Variants in CARS2 observed in about 807,000 individuals in gnomAD.
The protein encoded by CARS2 is probable cysteine--tRNA ligase, mitochondrial.
A neutral mutation model predicts 68.8 loss-of-function variants in CARS2; 52 were observed. The observed-to-expected ratio is 0.76, with a 90% confidence interval of 0.61 to 0.95. The LOEUF (loss-of-function observed/expected upper bound fraction) is 0.95, where lower values mean the gene tolerates loss of function less well. Among genes scored for constraint, CARS2 ranks in the 40% least tolerant of loss-of-function variants. CARS2 has a pLI of 0.00. For synonymous variants in CARS2, 314 were observed against 303.6 expected, an observed-to-expected ratio of 1.03 and a Z score of -0.36; for missense variants, 780 against 754.2, an observed-to-expected ratio of 1.03 and a Z score of -0.40.
chr13:110,685,887 T>C (rs933918945), intron 5 of CARS2, among the ~76,000 whole-genome samples: 3 of 145,836 alleles, frequency 2.1e-5, no homozygotes, highest in African/African-American at 7.7e-5. Flanking sequence ...CGCAAACCAA[T>C]GAAACCACCT....
chr13:110,680,798 G>C (rs915763388), intron 6 of CARS2, among the ~76,000 whole-genome samples: 4 of 152,214 alleles, frequency 2.6e-5, no homozygotes, highest in African/African-American at 7.2e-5. Flanking sequence ...CACAAATATA[G>C]AACAGCTAAG....
rs983993322 is a variant in CARS2, at chr13:110,670,067, G to C, written c.786-2594C>G. Among the ~76,000 whole-genome samples, 5 of 152,190 alleles carry C rather than the reference G, an allele frequency of 3.3e-5. No homozygotes were observed. Among genetic ancestry groups the C allele is most frequent in the African/African-American group, 1.2e-4 (5 of 41,440 alleles). On this transcript the variant is annotated intron_variant, in intron 7 of 14. Coordinates refer to ENST00000257347, the MANE Select transcript of CARS2 (RefSeq NM_024537.4). This position sits in a 1 kb window ranked among gnomAD's most constrained non-coding sequence, Gnocchi z 4.1. ...GGTAAACAAAGTGTCCAGGAAGCTC[G>C]AACTGGGTGGAGCCCACTACAGCTC...
At chr13:110,687,678 C>G in intron 5 of CARS2, 43 bp downstream of exon 5, 2 of 785,042 alleles carry the variant, frequency 2.5e-6, no homozygotes, top group Non-Finnish European at 3.5e-6. Flanking sequence ...AACTCTGTCT[C>G]AAAAAAAAAA....
intron 12 of CARS2, chr13:110,645,724 C>T (rs1000740114): frequency 1.5e-5 from 7 of 455,840 alleles, no homozygotes; most frequent in Middle Eastern, 5.5e-4. Context: ...CAGAATTTCT[C>T]AGCCTCAGGG....
chr13:110,709,295 T>C (rs1445994648), upstream of CARS2, among the ~76,000 whole-genome samples: 1 of 151,922 alleles, frequency 6.6e-6, no homozygotes, highest in Non-Finnish European at 1.5e-5. Flanking sequence ...GGTTTCTCCA[T>C]GTTAGTCAGG....
chr13:110,664,936 G>T, intron 8 of CARS2: 1 of 874,026 alleles, frequency 1.1e-6, no homozygotes, highest in Non-Finnish European at 1.4e-6. Flanking sequence ...GGAATTCATT[G>T]CTGTTGTTCA....
At chr13:110,675,715 A>G (rs1426715217) in intron 7 of CARS2, among the ~76,000 whole-genome samples, 1 of 152,192 alleles carries the variant, frequency 6.6e-6, no homozygotes, top group East Asian at 1.9e-4. Flanking sequence ...ATGAAAAAAA[A>G]AACCCATTTC....
intron 10 of CARS2, chr13:110,650,812 G>A (rs1438160026): frequency 8.0e-6 from 4 of 500,794 alleles, no homozygotes; most frequent in South Asian, 5.5e-5. Context: ...GAGAGGACTC[G>A]AGCTTGACGA....
At chr13:110,696,989 T>A (rs1444619153) in intron 3 of CARS2, among the ~76,000 whole-genome samples, 1 of 152,140 alleles carries the variant, frequency 6.6e-6, no homozygotes, top group Non-Finnish European at 1.5e-5. Flanking sequence ...CGGGGCCCTT[T>A]CTCTGTCCCA....
intron 1 of CARS2, chr13:110,712,805 A>T (rs997696102): frequency 1.3e-6 from 1 of 783,370 alleles, no homozygotes; most frequent in Non-Finnish European, 2.2e-6. Context: ...CCTCGGGCCT[A>T]TCCACCTCTT....
At chr13:110,712,929 C>T (rs753142411) in intron 1 of CARS2, 1 of 1,556,182 alleles carries the variant, frequency 6.4e-7, no homozygotes, top group Non-Finnish European at 8.7e-7. Flanking sequence ...ATGGCGCAGG[C>T]GCGGGAGCCG....
intron 1 of CARS2, chr13:110,713,093 G>A (rs2064055364): frequency 2.1e-6 from 3 of 1,440,062 alleles, no homozygotes; most frequent in African/African-American, 1.4e-5. Flanking sequence ...GCCTCCCGGA[G>A]GACTTGGGTT....
chr13:110,646,035 G>A lies in CARS2; in HGVS notation c.1249C>T (p.Pro417Ser). ...KAALADDFDT[P>S]RVVDAILGLA... is the part of the protein sequence containing the mutation. ...CCCAGGATGGCATCAACCACCCTGG[G>A]TGTGTCAAAATCATCTGCCAAGGCC... is the stretch of plus-strand genomic sequence containing the variant. Residue 417 changes from proline (P) to serine (S), a missense_variant, in exon 12 of 15, where the codon CCC (proline) becomes TCC (serine). Coordinates refer to ENST00000257347, the MANE Select transcript of CARS2 (RefSeq NM_024537.4). 1 of 1,613,828 alleles carries A rather than the reference G, an allele frequency of 6.2e-7. No homozygotes were observed. The highest frequency in any genetic ancestry group is 8.5e-7 in the Non-Finnish European group (1 of 1,179,926).
intron 10 of CARS2, chr13:110,648,644 G>A (rs770444136): frequency 6.6e-6 from 1 of 152,216 alleles, no homozygotes; most frequent in Non-Finnish European, 1.5e-5. Context: ...TGGGGCAGTC[G>A]TGTCCACTGT....
rs748803394 is a variant in CARS2, at chr13:110,642,596, G to A, written c.1417-75C>T. ...ATGCCCCCTCCCCACCCCGTGGTTG[G>A]GCTCTGGGCCGACACCCACCCAGCC... On this transcript the variant is annotated intron_variant, in intron 13 of 14. Transcript: ENST00000257347. 1.1e-5 allele frequency: 16 copies of A among 1,452,288 alleles called. 1 individual carries two copies. In the South Asian group the frequency reaches 1.3e-4, roughly 11 times the overall value. 90.0% of individuals were successfully genotyped at this position (1,452,288 alleles called of 1,614,324 possible). A position where few individuals can be genotyped will look rare whatever the true frequency, so the allele number is the denominator to read the frequency against.
intron 1 of CARS2, chr13:110,713,063 C>T: frequency 3.4e-6 from 5 of 1,454,720 alleles, no homozygotes; most frequent in Non-Finnish European, 4.5e-6. Flanking sequence ...CCGCCCGTGC[C>T]CGGCCCTCCC....
intron 13 of CARS2, chr13:110,643,864 A>T (rs1202564026): frequency 3.9e-6 from 1 of 254,320 alleles, no homozygotes; most frequent in South Asian, 4.0e-5. Context: ...AATGCTCTTG[A>T]GTTACAACGG....
At chr13:110,691,467 A>G (rs941208155) in intron 3 of CARS2, among the ~76,000 whole-genome samples, 4 of 152,238 alleles carry the variant, frequency 2.6e-5, no homozygotes, top group African/African-American at 9.6e-5. Flanking sequence ...CTTTTCTCAT[A>G]AATGGCTTCT....
intron 12 of CARS2, 94 bp from the exon 13 acceptor site, chr13:110,644,577 G>C: frequency 6.4e-7 from 1 of 1,554,374 alleles, no homozygotes; most frequent in Non-Finnish European, 8.7e-7. Context: ...GCTTCAGCAG[G>C]TCACTTCAGT....
Sources: allele counts gnomAD v4.1 joint callset (sites outside exome capture counted in the v4.1 genomes callset), GRCh38; gene constraint gnomAD v4.1.1; non-coding constraint Gnocchi (gnomAD v3.1); transcripts MANE v1.5; gene names NCBI Gene and HGNC (gene_info 2026-07-23, HGNC 2026-07-21).